The following MAP9 variants were observed in gnomAD, a reference collection of about 807,000 sequenced individuals.
MAP9 encodes the protein microtubule-associated protein 9.
Under a neutral mutation model 75.2 loss-of-function variants are expected in MAP9, and 80 were observed. The observed-to-expected ratio is 1.06, with a 90% CI of 0.89 to 1.28. MAP9 has a LOEUF of 1.28. Among genes scored for constraint, MAP9 ranks in the 50% most tolerant of loss-of-function variants. The pLI, the probability that MAP9 is intolerant of heterozygous loss-of-function variation, is 0.00. For missense variants in MAP9, 753 were observed against 719.9 expected (o/e 1.05, Z -0.53); for synonymous variants, 235 against 237.3 (o/e 0.99, Z 0.09).
At chr4:155,348,485 A>G (rs1009977862) in intron 13 of MAP9, among the ~76,000 whole-genome samples, 2 of 152,208 alleles carry the variant, frequency 1.3e-5, no homozygotes, top group African/African-American at 4.8e-5. Flanking sequence ...ACCTATAATT[A>G]TAACTCAAAT....
intron 5 of MAP9, among the ~76,000 whole-genome samples, chr4:155,363,999 G>A (rs955987770): frequency 3.3e-5 from 5 of 151,994 alleles, no homozygotes; most frequent in Admixed American, 1.3e-4. Flanking sequence ...CTCAACAAAC[G>A]TCAAGCAGAA....
At position 155,352,858 on chromosome 4, in the gene MAP9, C is replaced by T. The variant is rs982265111; in HGVS notation, c.1688+54G>A. 2.5e-5 allele frequency: 36 copies of T among 1,440,048 alleles called. No homozygotes were observed. The African/African-American group carries it at 4.6e-4, about 19-fold the overall frequency. The allele number at this position is 1,440,048 out of a possible 1,614,324, so 89.2% of individuals were successfully genotyped here. Reference sequence around the variant, plus strand: ...TCAAGTAAATAAATTTTATAAAATCCTGAAGTGTTACTATAATTTAAAATA... The same window carrying T: ...TCAAGTAAATAAATTTTATAAAATCTTGAAGTGTTACTATAATTTAAAATA... On this transcript the variant is annotated intron_variant, in intron 12 of 13. Transcript: ENST00000311277.
chr4:155,374,070 G>A (rs984208536), intron 3 of MAP9, among the ~76,000 whole-genome samples: 8 of 152,142 alleles, frequency 5.3e-5, no homozygotes, highest in African/African-American at 1.9e-4. Flanking sequence ...GCCGGGTGCG[G>A]TGGCTCACAC....
chr4:155,369,193 C>T (rs917780119), intron 4 of MAP9, among the ~76,000 whole-genome samples: 72 of 151,682 alleles, frequency 4.7e-4, no homozygotes, highest in African/African-American at 1.7e-3. Flanking sequence ...CTTAGTAGCG[C>T]GTGCCTGTAA....
intron 10 of MAP9, 128 bp downstream of exon 10, chr4:155,354,943 C>A (rs1043344413): frequency 1.3e-5 from 6 of 475,196 alleles, no homozygotes; most frequent in Middle Eastern, 5.1e-4. Context: ...GAAGTAAAAC[C>A]GGAAATCATT....
rs748612149 is a variant in MAP9 at position 155,373,304 on chromosome 4, C to T, written c.313G>A (p.Glu105Lys). 3.1e-6 allele frequency: 5 copies of T among 1,613,886 alleles called. No individual in the cohort carries two copies. The highest frequency in any genetic ancestry group is 1.7e-5 in the Admixed American group (1 of 60,016). The change falls in exon 4 of 14, where the codon GAG becomes AAG. Residue 105 changes from glutamate to lysine, a missense_variant. Physicochemically the swap from Glu to Lys is moderately conservative, Grantham distance 56. Coordinates refer to ENST00000311277, the MANE Select transcript of MAP9 (RefSeq NM_001039580.2). ...NKSNGNITKD[E>K]PVCAIKNEEE... ...TCATTTTTGATGGCACACACTGGCT[C>T]ATCTTTGGTTATGTTACCGTTTGAT...
chr4:155,365,871 C>A lies in MAP9; in HGVS notation c.708+2715G>T, dbSNP rs528250229. Among the ~76,000 whole-genome samples, 10 of 151,470 alleles carry A rather than the reference C, an allele frequency of 6.6e-5. No individual in the cohort carries two copies. The South Asian group carries it at 1.7e-3, about 25-fold the overall frequency. Reference sequence around the variant, plus strand: ...CAACTAAAAAAATAAATTTTTAAAACAGGAGATCACAAGGGAAGTTAAAAT... The same window carrying A: ...CAACTAAAAAAATAAATTTTTAAAAAAGGAGATCACAAGGGAAGTTAAAAT... On this transcript the variant is annotated intron_variant, in intron 5 of 13. Coordinates refer to ENST00000311277, the MANE Select transcript of MAP9 (RefSeq NM_001039580.2).
chr4:155,368,533 TA>T, intron 5 of MAP9, 52 bp downstream of exon 5: 1 of 1,399,830 alleles, frequency 7.1e-7, no homozygotes, highest in Non-Finnish European at 1.0e-6. Context: ...CATAATCAGA[TA>T]AAAAAGCATA....
At chr4:155,349,625 G>A (rs373245890) in intron 13 of MAP9, 1 of 152,124 alleles carries the variant, frequency 6.6e-6, no homozygotes, top group South Asian at 2.1e-4. Flanking sequence ...AAGAATGCTT[G>A]CATGTTTGTT....
Position 155,352,625 on chromosome 4 carries a change from G to T in MAP9, c.1792C>A (p.Gln598Lys). Residue 598 changes from glutamine (Q) to lysine (K), a missense_variant, in exon 13 of 14, where the codon CAA (glutamine) becomes AAA (lysine). Physicochemically the swap from Gln to Lys is moderately conservative, Grantham distance 53. Coordinates refer to ENST00000311277, the MANE Select transcript of MAP9 (RefSeq NM_001039580.2). ...CATTTTTCATATTCATTAATAGCTTGTTTATCTTTATCTTTTTTCTCAGCT... is the reference window on the plus strand; with the variant it reads ...CATTTTTCATATTCATTAATAGCTTTTTTATCTTTATCTTTTTTCTCAGCT... The part of the protein sequence containing the change: ...KRAEKKDKDK[Q>K]AINEYEKWLE... 1.3e-6 allele frequency: 2 copies of T among 1,546,818 alleles called. No homozygotes were observed. Among genetic ancestry groups the T allele is most frequent in the African/African-American group, 1.4e-5 (1 of 72,120 alleles).
Position 155,360,421 on chromosome 4 carries a change from T to G in MAP9, c.803-6A>C. On this transcript the variant is annotated splice_polypyrimidine_tract_variant and splice_region_variant and intron_variant, in intron 6 of 13. Transcript: ENST00000311277. ...AGTGATTTCTTCATTTGGATCTATTTTGAGACAGAGTAATAGCATTAAAAC... is the reference window on the plus strand; with the variant it reads ...AGTGATTTCTTCATTTGGATCTATTGTGAGACAGAGTAATAGCATTAAAAC... 6.2e-7 allele frequency: 1 copy of G among 1,607,282 alleles called. No individual in the cohort carries two copies. Among genetic ancestry groups the G allele is most frequent in the Non-Finnish European group, 8.5e-7 (1 of 1,176,986 alleles).
rs1306569033 is a variant in MAP9 at position 155,347,766 on chromosome 4, T to C, written c.*17A>G. The C allele has an allele frequency of 5.1e-6, 8 of 1,576,036 alleles. No individual in the cohort carries two copies. Among genetic ancestry groups the C allele is most frequent in the Non-Finnish European group, 3.4e-6 (4 of 1,165,078 alleles). On this transcript the variant is annotated 3_prime_UTR_variant, in exon 14 of 14. Coordinates refer to ENST00000311277, the MANE Select transcript of MAP9 (RefSeq NM_001039580.2). ...GGCAAACCGATAAATAACCAAATAA[T>C]GTAAGAACTAGAATTATCAAAACAC... is the stretch of plus-strand genomic sequence containing the variant.
intron 4 of MAP9, among the ~76,000 whole-genome samples, chr4:155,370,946 G>A (rs530775220): frequency 5.9e-5 from 9 of 152,172 alleles, no homozygotes; most frequent in South Asian, 2.1e-4. Context: ...CTATTATCCC[G>A]TTTTTAAAGA....
At chr4:155,352,569 G>A (rs774262872) in intron 13 of MAP9, 27 bp downstream of exon 13, 14 of 1,519,734 alleles carry the variant, frequency 9.2e-6, no homozygotes, top group East Asian at 5.1e-5. Context: ...TGAAAAAGAC[G>A]AAAGTGCATT....
chr4:155,355,137 C>T lies in MAP9; in HGVS notation c.1314G>A (p.Val438=), dbSNP rs2341894. The change falls in exon 10 of 14, where the codon GTG becomes GTA. Residue 438 remains valine, a synonymous_variant. Coordinates refer to ENST00000311277, the MANE Select transcript of MAP9 (RefSeq NM_001039580.2). ...TTATTCTGTGCATTTCATGTAAATACACATTTTTCTTTTCTAACCACTCCT... is the reference window on the plus strand; with the variant it reads ...TTATTCTGTGCATTTCATGTAAATATACATTTTTCTTTTCTAACCACTCCT... The part of the protein sequence containing the change: ...VYQEWLEKKN[V]YLHEMHRIKR... 0.56 allele frequency: 734,282 copies of T among 1,319,178 alleles called. 214,265 individuals carry two copies. The highest frequency in any genetic ancestry group is 0.9 in the African/African-American group (57,427 of 63,726). 81.7% of individuals were successfully genotyped at this position (1,319,178 alleles called of 1,614,324 possible). A position where few individuals can be genotyped will look rare whatever the true frequency, so the allele number is the denominator to read the frequency against.
rs1168688768 is a variant in MAP9 at position 155,342,768 on chromosome 4, T to C, written c.*5015A>G. The C allele has an allele frequency of 6.6e-6, 1 of 152,076 alleles. No homozygotes were observed. The highest frequency in any genetic ancestry group is 1.9e-4 in the East Asian group (1 of 5,196). 9.4% of individuals were successfully genotyped at this position (152,076 alleles called of 1,614,324 possible). ...ACGCACTGCAGCAAGGTTAATCCTG[T>C]ATGTGAAAACCTCTGAGTGACTATC... On this transcript the variant is annotated 3_prime_UTR_variant, in exon 14 of 14. Transcript: ENST00000311277.
Position 155,347,825 on chromosome 4 carries a change from C to G in MAP9, c.1902G>C (p.Pro634=). The G allele has an allele frequency of 6.2e-7, 1 of 1,610,230 alleles. No individual in the cohort carries two copies. The highest frequency in any genetic ancestry group is 8.5e-7 in the Non-Finnish European group (1 of 1,177,850). The change falls in exon 14 of 14, where the codon CCG becomes CCC. Residue 634 remains proline, a synonymous_variant. Coordinates refer to ENST00000311277, the MANE Select transcript of MAP9 (RefSeq NM_001039580.2). ...ACACAGTTCTGCTTGGAGGGCTCCA[C>G]GGAGGAAGTGCCTCACTTTCAAGAA... ...HSFLESEALP[P]WSPPSRTVFA... is the part of the protein sequence containing the mutation.
At chr4:155,348,883 T>A (rs975069716) in intron 13 of MAP9, among the ~76,000 whole-genome samples, 3 of 152,182 alleles carry the variant, frequency 2.0e-5, no homozygotes, top group Admixed American at 6.6e-5. Flanking sequence ...ATTCCATAAA[T>A]ATGTGCACTT....
At position 155,367,746 on chromosome 4, in the gene MAP9, C is replaced by T. The variant is rs1028802345; in HGVS notation, c.708+840G>A. On this transcript the variant is annotated intron_variant, in intron 5 of 13. Coordinates refer to ENST00000311277, the MANE Select transcript of MAP9 (RefSeq NM_001039580.2). Reference sequence around the variant, plus strand: ...AGCCTATTGTGCTTCCTAATACTTCCAGTCTGAATTAGGGGGATTCCCCCA... The same window carrying T: ...AGCCTATTGTGCTTCCTAATACTTCTAGTCTGAATTAGGGGGATTCCCCCA... 5.9e-5 allele frequency among the ~76,000 whole-genome samples: 9 copies of T among 152,216 alleles called. No individual in the cohort carries two copies. In the East Asian group the frequency reaches 1.7e-3, roughly 29 times the overall value.
Sources: gnomAD v4.1 joint callset for allele counts (sites outside exome capture counted in the v4.1 genomes callset) on GRCh38, gnomAD v4.1.1 for gene constraint, MANE v1.5 for transcripts, NCBI Gene and HGNC (gene_info 2026-07-23, HGNC 2026-07-21) for gene names.